The following ABCB11 variants were observed in gnomAD, a reference collection of about 807,000 sequenced individuals.
ABCB11 encodes the protein bile salt export pump.
A neutral mutation model predicts 148.0 loss-of-function variants in ABCB11; 95 were observed. That is an observed-to-expected ratio of 0.64 (90% CI 0.54 to 0.76). ABCB11 has a LOEUF of 0.76. Ranked by LOEUF, ABCB11 falls within the 30% of genes least tolerant of loss-of-function variation. ABCB11 has a pLI of 0.00. For synonymous variants in ABCB11, 591 were observed against 555.4 expected, an observed-to-expected ratio of 1.06 and a Z score of -0.90; for missense variants, 1,523 against 1,617.8, an observed-to-expected ratio of 0.94 and a Z score of 1.01.
chr2:168,944,838 G>T lies in ABCB11; in HGVS notation c.2448+19C>A. 1 of 1,603,030 alleles carries T rather than the reference G, an allele frequency of 6.2e-7. No individual in the cohort carries two copies. The highest frequency in any genetic ancestry group is 2.3e-5 in the East Asian group (1 of 44,400). ...AGGAAAAATAACTAAATCACTTACT[G>T]AAAAATAACATTTCTTACCTGTAGA... On this transcript the variant is annotated intron_variant, in intron 20 of 27. Transcript: ENST00000650372.
chr2:168,966,630 T>G (rs1693333524), intron 17 of ABCB11, among the ~76,000 whole-genome samples: 7 of 151,948 alleles, frequency 4.6e-5, no homozygotes, highest in Admixed American at 4.6e-4. Context: ...AATTTGTGGC[T>G]GTTATGTATT....
In ABCB11 at chr2:168,969,450, T is replaced by G. The variant is rs755000612; in HGVS notation, c.1911A>C (p.Arg637Ser). 8 of 1,612,658 alleles carry G rather than the reference T, an allele frequency of 5.0e-6. No homozygotes were observed. The highest frequency in any genetic ancestry group is 4.2e-6 in the Non-Finnish European group (5 of 1,179,238). Reference protein sequence around the residue: ...IGFEHGTAVERGTHEELLERK... With the variant: ...IGFEHGTAVESGTHEELLERK... ...TTTCCAGTAATTCTTCATGGGTCCC[T>G]CTTTCCACTGCAGTGCCATGTTCAA... Residue 637 changes from arginine (R) to serine (S), a missense_variant, in exon 16 of 28, where the codon AGA (arginine) becomes AGC (serine). Arg to Ser is a moderately radical substitution (Grantham distance 110). Coordinates refer to ENST00000650372, the MANE Select transcript of ABCB11 (RefSeq NM_003742.4).
intron 18 of ABCB11, among the ~76,000 whole-genome samples, chr2:168,959,016 T>C (rs1692930991): frequency 1.3e-5 from 2 of 151,874 alleles, no homozygotes; most frequent in Non-Finnish European, 3.0e-5. Flanking sequence ...ACTATAAAGC[T>C]TAATTAGTGC....
Position 168,932,529 on chromosome 2 carries a change from T to A in ABCB11, c.3061A>T (p.Ile1021Phe). 6.2e-7 allele frequency: 1 copy of A among 1,613,268 alleles called. No homozygotes were observed. The highest frequency in any genetic ancestry group is 8.5e-7 in the Non-Finnish European group (1 of 1,179,634). Residue 1021 changes from isoleucine to phenylalanine, a missense_variant, in exon 24 of 28, where the codon ATC (isoleucine) becomes TTC (phenylalanine). Coordinates refer to ENST00000650372, the MANE Select transcript of ABCB11 (RefSeq NM_003742.4). ...GTTGCACTCAGTACAACTGCAGAGA[T>A]CACCCTGTAACCAGACAGACACACA... Reference protein sequence around the residue: ...GLHFSYVFRVISAVVLSATAL... With the variant: ...GLHFSYVFRVFSAVVLSATAL...
intron 17 of ABCB11, among the ~76,000 whole-genome samples, chr2:168,967,349 A>G (rs1173007905): frequency 6.6e-6 from 1 of 151,944 alleles, no homozygotes; most frequent in Non-Finnish European, 1.5e-5. Flanking sequence ...CTTGTTCTCA[A>G]GAAGAAAGAT....
chr2:168,973,884 A>C, intron 12 of ABCB11, 44 bp from the exon 13 acceptor site: 1 of 1,600,100 alleles, frequency 6.2e-7, no homozygotes, highest in African/African-American at 1.3e-5. Flanking sequence ...GTCACTGTTT[A>C]CCAAATCAAA....
chr2:168,989,644 G>T (rs1448643491), intron 9 of ABCB11, among the ~76,000 whole-genome samples: 1 of 152,000 alleles, frequency 6.6e-6, no homozygotes, highest in Non-Finnish European at 1.5e-5. Flanking sequence ...GGTCTTTTGT[G>T]GTTGCTAAGA....
chr2:168,995,975 T>TAAAAA lies in ABCB11; in HGVS notation c.478-498_478-494dup, dbSNP rs3083997. ...AATCTGCTGATAGATTTTCCCTAACTAAAAAAAAAAAAAAAAAAAAAAAAG... is the reference window on the plus strand; with the variant it reads ...AATCTGCTGATAGATTTTCCCTAACTAAAAAAAAAAAAAAAAAAAAAAAAAAAAAG... On this transcript the variant is annotated intron_variant, in intron 6 of 27. Coordinates refer to ENST00000650372, the MANE Select transcript of ABCB11 (RefSeq NM_003742.4). Among the ~76,000 whole-genome samples, 56 of 62,982 alleles carry TAAAAA rather than the reference T, an allele frequency of 8.9e-4. 1 individual carries two copies. The highest frequency in any genetic ancestry group is 1.3e-3 in the African/African-American group (21 of 15,636). 41.3% of individuals were successfully genotyped at this position (62,982 alleles called of 152,430 possible). A position where few individuals can be genotyped will look rare whatever the true frequency, so the allele number is the denominator to read the frequency against.
chr2:168,930,290 A>G (rs1691508146), intron 25 of ABCB11, among the ~76,000 whole-genome samples: 1 of 152,160 alleles, frequency 6.6e-6, no homozygotes, highest in South Asian at 2.1e-4. Context: ...TTGCTCATTT[A>G]TCATTATTTC....
chr2:168,919,208 G>T (rs910533724), downstream of ABCB11, among the ~76,000 whole-genome samples: 1 of 151,814 alleles, frequency 6.6e-6, no homozygotes, highest in African/African-American at 2.4e-5. Context: ...CTTTTACATT[G>T]ATGTGACTTT....
intron 21 of ABCB11, among the ~76,000 whole-genome samples, chr2:168,943,271 G>A (rs1692149117): frequency 6.6e-6 from 1 of 151,798 alleles, no homozygotes; most frequent in Non-Finnish European, 1.5e-5. Flanking sequence ...AGTGAAATTG[G>A]AACAAAGTTT....
chr2:168,976,528 C>A lies in ABCB11; in HGVS notation c.1308+49G>T, dbSNP rs751480691. 26 of 1,126,208 alleles carry A rather than the reference C, an allele frequency of 2.3e-5. No homozygotes were observed. In the South Asian group the frequency reaches 4.2e-4, roughly 18 times the overall value. 69.8% of individuals were successfully genotyped at this position (1,126,208 alleles called of 1,614,324 possible). Reference sequence around the variant, plus strand: ...GCAATTTGTGGTTATGCAAATAAATCATCGAAGAAGAAAACATTTACTATT... The same window carrying A: ...GCAATTTGTGGTTATGCAAATAAATAATCGAAGAAGAAAACATTTACTATT... On this transcript the variant is annotated intron_variant, in intron 12 of 27. Coordinates refer to ENST00000650372, the MANE Select transcript of ABCB11 (RefSeq NM_003742.4).
intron 1 of ABCB11, among the ~76,000 whole-genome samples, chr2:169,023,091 A>G (rs1309542389): frequency 6.6e-6 from 1 of 152,210 alleles, no homozygotes; most frequent in East Asian, 1.9e-4. Flanking sequence ...TGGAGGAAAG[A>G]GTCCTTTCAT....
chr2:168,923,220 C>G lies in ABCB11; in HGVS notation c.*402G>C. 1 of 205,436 alleles carries G rather than the reference C, an allele frequency of 4.9e-6. No homozygotes were observed. Among genetic ancestry groups the G allele is most frequent in the South Asian group, 1.1e-4 (1 of 9,072 alleles). 12.7% of individuals were successfully genotyped at this position (205,436 alleles called of 1,614,324 possible). A position where few individuals can be genotyped will look rare whatever the true frequency, so the allele number is the denominator to read the frequency against. On this transcript the variant is annotated 3_prime_UTR_variant, in exon 28 of 28. Coordinates refer to ENST00000650372, the MANE Select transcript of ABCB11 (RefSeq NM_003742.4). ...CCTGTTATAGACCCGCCTCTGTGTA[C>G]ACCGAGGGTTCAAAAATGAAAGACA...
At chr2:169,005,133 T>C (rs900065612) in intron 5 of ABCB11, among the ~76,000 whole-genome samples, 4 of 152,086 alleles carry the variant, frequency 2.6e-5, no homozygotes, top group African/African-American at 9.7e-5. Context: ...GGTTGGCCTC[T>C]AGCTAGGAGG....
At chr2:168,962,269 C>T (rs1314992157) in intron 18 of ABCB11, among the ~76,000 whole-genome samples, 3 of 151,660 alleles carry the variant, frequency 2.0e-5, no homozygotes, top group Admixed American at 6.6e-5. Flanking sequence ...TCTTTTAAAA[C>T]GTATGCTGGC....
chr2:168,975,544 TATAAATAC>T (rs368984931), intron 12 of ABCB11, among the ~76,000 whole-genome samples: 1,181 of 23,426 alleles, frequency 0.05, 210 homozygotes, highest in East Asian at 0.11. Context: ...TAGATAAATA[TATAAATAC>T]ATAAATATTT....
At chr2:168,959,052 T>C (rs1692932139) in intron 18 of ABCB11, among the ~76,000 whole-genome samples, 1 of 151,742 alleles carries the variant, frequency 6.6e-6, no homozygotes. Flanking sequence ...CAGTAATTTA[T>C]CTTTTAGGGA....
chr2:168,979,918 G>T lies in ABCB11; in HGVS notation c.1145C>A (p.Ala382Asp), dbSNP rs1370701870. ...GGCTGCTGCACGTCCAGTTGCAAAG[G>T]CTTCCAAACAAGGAGAGGCATTGCC... ...NLGNASPCLE[A>D]FATGRAAATS... The change falls in exon 11 of 28, where the codon GCC becomes GAC. Residue 382 changes from alanine to aspartate, a missense_variant. Transcript: ENST00000650372. 1.2e-6 allele frequency: 2 copies of T among 1,611,590 alleles called. No homozygotes were observed. Among genetic ancestry groups the T allele is most frequent in the Non-Finnish European group, 1.7e-6 (2 of 1,178,328 alleles).
Sources: gnomAD v4.1 joint callset for allele counts (sites outside exome capture counted in the v4.1 genomes callset) on GRCh38, gnomAD v4.1.1 for gene constraint, MANE v1.5 for transcripts, NCBI Gene and HGNC (gene_info 2026-07-23, HGNC 2026-07-21) for gene names.